Variants in LUZP2 observed in about 807,000 individuals in gnomAD.
LUZP2 encodes leucine zipper protein 2.
In LUZP2, 52 loss-of-function variants were observed where a neutral mutation model predicts 51.6. The observed-to-expected ratio is 1.01, with a 90% CI of 0.81 to 1.27. The LOEUF is 1.27. Ranked by LOEUF, LUZP2 falls within the 50% of genes most tolerant of loss-of-function variation. The pLI, the probability that LUZP2 is intolerant of heterozygous loss-of-function variation, is 0.00. For missense variants in LUZP2, 436 were observed against 395.4 expected (o/e 1.10, Z -0.87); for synonymous variants, 154 against 137.3 (o/e 1.12, Z -0.85).
rs188415125 is a variant in LUZP2 at position 25,024,023 on chromosome 11, T to C, written c.766-26015T>C. Among the ~76,000 whole-genome samples the C allele has an allele frequency of 3.9e-5, 6 of 152,276 alleles. No homozygotes were observed. The East Asian group carries it at 9.7e-4, about 25-fold the overall frequency. ...ACAGTTTGTTATAATTTCTGTTCTT[T>C]TACATCTGCTGAAGGGTGCTTTACT... On this transcript the variant is annotated intron_variant, in intron 9 of 11. Coordinates refer to ENST00000336930, the MANE Select transcript of LUZP2 (RefSeq NM_001009909.4).
intron 10 of LUZP2, among the ~76,000 whole-genome samples, chr11:25,064,088 G>C (rs7937036): frequency 0.9 from 136,173 of 151,400 alleles, 62,244 homozygotes; most frequent in Non-Finnish European, 0.98. Context: ...TCCCATGTCT[G>C]CTTGTTTACA....
intron 5 of LUZP2, among the ~76,000 whole-genome samples, chr11:24,821,086 C>T (rs1431678989): frequency 2.0e-5 from 3 of 152,064 alleles, no homozygotes; most frequent in South Asian, 2.1e-4. Flanking sequence ...ATCACTGTCT[C>T]ATATTTTAAG....
chr11:24,917,203 G>C (rs1853817338), intron 7 of LUZP2, among the ~76,000 whole-genome samples: 1 of 151,966 alleles, frequency 6.6e-6, no homozygotes, highest in African/African-American at 2.4e-5. Context: ...TTGTAAATTT[G>C]TTTGAGTTCT....
chr11:24,877,106 A>G (rs1852296205), intron 5 of LUZP2, among the ~76,000 whole-genome samples: 2 of 152,222 alleles, frequency 1.3e-5, no homozygotes, highest in Admixed American at 6.6e-5. Context: ...AGGATTAGAA[A>G]TATGTAATAC....
chr11:24,803,350 A>C (rs1849749133), intron 5 of LUZP2, among the ~76,000 whole-genome samples: 2 of 152,054 alleles, frequency 1.3e-5, no homozygotes, highest in Admixed American at 1.3e-4. Flanking sequence ...GCTATTACCA[A>C]AAAACAAAAA....
chr11:24,513,391 A>C (rs1850370717), intron 1 of LUZP2, among the ~76,000 whole-genome samples: 1 of 150,134 alleles, frequency 6.7e-6, no homozygotes, highest in African/African-American at 2.5e-5. Context: ...GTAAGGTTTT[A>C]TTTCATTTTT....
chr11:24,589,027 G>T (rs1274856610), intron 1 of LUZP2, among the ~76,000 whole-genome samples: 11 of 151,984 alleles, frequency 7.2e-5, no homozygotes. Context: ...TCAATTATCA[G>T]TTTGGTAATT....
chr11:24,734,219 A>G (rs1317761314), intron 3 of LUZP2, among the ~76,000 whole-genome samples: 3 of 150,566 alleles, frequency 2.0e-5, no homozygotes, highest in African/African-American at 7.3e-5. Context: ...GTAAAAGAAA[A>G]TAAAGTCAGC....
intron 3 of LUZP2, among the ~76,000 whole-genome samples, chr11:24,734,210 TAAAAGAA>T (rs1477295794): frequency 6.6e-6 from 1 of 150,790 alleles, no homozygotes; most frequent in Non-Finnish European, 1.5e-5. Flanking sequence ...GACAATGGAG[TAAAAGAA>T]AATAAAGTCA....
At chr11:25,053,310 T>G (rs1858579810) in intron 10 of LUZP2, among the ~76,000 whole-genome samples, 1 of 152,124 alleles carries the variant, frequency 6.6e-6, no homozygotes, top group Non-Finnish European at 1.5e-5. Context: ...TCTATTTACT[T>G]CTGAACAGAA....
At chr11:24,731,186 A>C (rs1714368754) in intron 2 of LUZP2, among the ~76,000 whole-genome samples, 1 of 151,738 alleles carries the variant, frequency 6.6e-6, no homozygotes, top group African/African-American at 2.4e-5. Context: ...GTTGATTTTC[A>C]ACATTAGATT....
intron 1 of LUZP2, among the ~76,000 whole-genome samples, chr11:24,676,886 C>T (rs1483034963): frequency 1.3e-5 from 2 of 152,038 alleles, no homozygotes; most frequent in Non-Finnish European, 2.9e-5. Context: ...AGGCTGGTTT[C>T]GAACTCCTGA....
chr11:24,669,194 T>C (rs1010609523), intron 1 of LUZP2, among the ~76,000 whole-genome samples: 4 of 152,154 alleles, frequency 2.6e-5, no homozygotes, highest in African/African-American at 7.2e-5. Flanking sequence ...ATTAGAAAAT[T>C]AGCAAAAGCA....
At chr11:25,039,142 ATTG>A (rs1460744763) in intron 9 of LUZP2, among the ~76,000 whole-genome samples, 2 of 151,986 alleles carry the variant, frequency 1.3e-5, no homozygotes, top group Admixed American at 6.6e-5. Flanking sequence ...AATTTTTGTT[ATTG>A]TTGTTGTTAG....
chr11:24,914,491 G>T lies in LUZP2; in HGVS notation c.475G>T (p.Ala159Ser). Residue 159 changes from alanine (A) to serine (S), a missense_variant, in exon 7 of 12, where the codon GCC becomes TCC. Ala to Ser is a moderately conservative substitution (Grantham distance 99, BLOSUM62 1). Coordinates refer to ENST00000336930, the MANE Select transcript of LUZP2 (RefSeq NM_001009909.4). ...TGCCTTACAGTCAAAAAAAATCCAA[G>T]CCCAGCTGAAGGAGCTTCGTTATGG... ...IHAEESKKIQ[A>S]QLKELRYGKK... The T allele has an allele frequency of 1.2e-6, 2 of 1,608,916 alleles. No individual in the cohort carries two copies. The highest frequency in any genetic ancestry group is 1.7e-5 in the Admixed American group (1 of 58,792).
At chr11:24,885,813 G>A (rs1852651474) in intron 5 of LUZP2, among the ~76,000 whole-genome samples, 1 of 152,104 alleles carries the variant, frequency 6.6e-6, no homozygotes, top group South Asian at 2.1e-4. Context: ...AGATATTTGA[G>A]CTGATTCGAT....
rs188444644 is a variant in LUZP2 at position 24,618,551 on chromosome 11, G to A, written c.63-110618G>A. 9.7e-4 allele frequency among the ~76,000 whole-genome samples: 147 copies of A among 152,300 alleles called. 1 individual carries two copies. Among genetic ancestry groups the A allele is most frequent in the Admixed American group, 2.9e-3 (44 of 15,300 alleles). Reference sequence around the variant, plus strand: ...TCTTGTTTCTAATCCTTTGATAAGAGACAACATGCTTCTGTTGGAGCTTCT... The same window carrying A: ...TCTTGTTTCTAATCCTTTGATAAGAAACAACATGCTTCTGTTGGAGCTTCT... On this transcript the variant is annotated intron_variant, in intron 1 of 11. Transcript: ENST00000336930.
chr11:24,500,276 G>C (rs1422175225), intron 1 of LUZP2, among the ~76,000 whole-genome samples: 1 of 152,002 alleles, frequency 6.6e-6, no homozygotes, highest in Non-Finnish European at 1.5e-5. Flanking sequence ...TTAATGTCCT[G>C]GCATATGGTC....
intron 5 of LUZP2, among the ~76,000 whole-genome samples, chr11:24,822,231 A>G (rs889168150): frequency 6.6e-6 from 1 of 152,028 alleles, no homozygotes; most frequent in African/African-American, 2.4e-5. Flanking sequence ...TTTATTTTTC[A>G]TTTCTGTGAT....
Sources: gnomAD v4.1 joint callset for allele counts (sites outside exome capture counted in the v4.1 genomes callset) on GRCh38, gnomAD v4.1.1 for gene constraint, MANE v1.5 for transcripts, NCBI Gene and HGNC (gene_info 2026-07-23, HGNC 2026-07-21) for gene names.